Variants in NCAPG observed in about 807,000 individuals in gnomAD.
The protein encoded by NCAPG is non-SMC condensin I complex subunit G, also known as condensin complex subunit 3.
Under a neutral mutation model 113.1 loss-of-function variants are expected in NCAPG, and 69 were observed. The observed-to-expected ratio is 0.61, with a 90% CI of 0.50 to 0.75. The LOEUF is 0.75. Among genes scored for constraint, NCAPG ranks in the 30% least tolerant of loss-of-function variants. The probability of loss-of-function intolerance (pLI) is 0.00; values close to 1 mark genes in which losing one functional copy is unlikely to be tolerated. For missense variants in NCAPG, 1,058 were observed against 1,177.0 expected, an observed-to-expected ratio of 0.90 and a Z score of 1.48; for synonymous variants, 370 against 415.8, an observed-to-expected ratio of 0.89 and a Z score of 1.34.
Position 17,814,863 on chromosome 4 carries a change from TTTGA to T in NCAPG, c.560_563del (p.Ile187LysfsTer27), listed in dbSNP as rs1201038731. 2 of 1,614,006 alleles carry T rather than the reference TTTGA, an allele frequency of 1.2e-6. No individual in the cohort carries two copies. The highest frequency in any genetic ancestry group is 1.3e-5 in the African/African-American group (1 of 74,956). On this transcript the variant is annotated frameshift_variant, in exon 4 of 21. Transcript: ENST00000251496. LOFTEE classifies it high-confidence loss of function. ...TTGCTTTATTTTTAGCATATGCTAC[TTTGA>T]TTGAAAATGATTCAAATCCAGAAGT...
rs1421571437 is a variant in NCAPG at position 17,813,015 on chromosome 4, T to A, written c.414T>A (p.Asp138Glu). 1 of 1,613,978 alleles carries A rather than the reference T, an allele frequency of 6.2e-7. No homozygotes were observed. Among genetic ancestry groups the A allele is most frequent in the African/African-American group, 1.3e-5 (1 of 75,014 alleles). ...CAGAAAATGCTCAGATTGATGATGATGTGTTTGATAAAATTAATAAAGCCA... is the reference window on the plus strand; with the variant it reads ...CAGAAAATGCTCAGATTGATGATGAAGTGTTTGATAAAATTAATAAAGCCA... The part of the protein sequence containing the change: ...SMPENAQIDD[D>E]VFDKINKAML... The change falls in exon 3 of 21, where the codon GAT becomes GAA. Residue 138 changes from aspartate (D) to glutamate (E), a missense_variant. Asp to Glu is a conservative substitution (Grantham distance 45). Transcript: ENST00000251496.
chr4:17,840,562 C>T, intron 18 of NCAPG, 45 bp from the exon 19 acceptor site: 1 of 1,119,002 alleles, frequency 8.9e-7, no homozygotes, highest in African/African-American at 1.7e-5. Flanking sequence ...TAAAATATTT[C>T]ATGAGGTTAT....
At chr4:17,828,582 A>T (rs977751605) in intron 12 of NCAPG, among the ~76,000 whole-genome samples, 194 bp downstream of exon 12, 1 of 152,152 alleles carries the variant, frequency 6.6e-6, no homozygotes, top group Non-Finnish European at 1.5e-5. Flanking sequence ...AGGACCTGAT[A>T]TGTAAATTAC....
intron 11 of NCAPG, among the ~76,000 whole-genome samples, chr4:17,826,516 A>G (rs1721662906): frequency 6.6e-6 from 1 of 152,224 alleles, no homozygotes. Context: ...AGGCTATTAA[A>G]TTTGGAAAGC....
chr4:17,812,090 A>T, intron 1 of NCAPG, 131 bp from the exon 2 acceptor site: 1 of 717,670 alleles, frequency 1.4e-6, no homozygotes, highest in Non-Finnish European at 2.3e-6. Context: ...TTGGATAATT[A>T]AGAGTTTACT....
Position 17,812,979 on chromosome 4 carries a change from G to A in NCAPG, c.378G>A (p.Leu126=). ...TGTGCCTGCTCATAAACAAGCTTTT[G>A]GGAAGTATGCCAGAAAATGCTCAGA... ...FRVCLLINKL[L]GSMPENAQID... Residue 126 remains leucine, a synonymous_variant, in exon 3 of 21, where the codon TTG becomes TTA. Coordinates refer to ENST00000251496, the MANE Select transcript of NCAPG (RefSeq NM_022346.5). 6.2e-7 allele frequency: 1 copy of A among 1,613,922 alleles called. No homozygotes were observed. Among genetic ancestry groups the A allele is most frequent in the South Asian group, 1.1e-5 (1 of 91,060 alleles).
Position 17,823,735 on chromosome 4 carries a change from C to T in NCAPG, c.1348C>T (p.His450Tyr). 6.3e-7 allele frequency: 1 copy of T among 1,596,876 alleles called. No homozygotes were observed. The highest frequency in any genetic ancestry group is 1.1e-5 in the South Asian group (1 of 90,584). The change falls in exon 9 of 21, where the codon CAC becomes TAC. Residue 450 changes from histidine to tyrosine, a missense_variant. His to Tyr is a moderately conservative substitution (Grantham distance 83). Coordinates refer to ENST00000251496, the MANE Select transcript of NCAPG (RefSeq NM_022346.5). The stretch of plus-strand genomic sequence containing the variant: ...TTCTTTTCTTGTTGAAAGACTACTC[C>T]ACATCATTATAGATGATAATAAGAG... ...LVSFLVERLL[H>Y]IIIDDNKRTQ...
Position 17,840,710 on chromosome 4 carries a change from C to G in NCAPG, c.2854+17C>G. ...CTAACAGAGGTAGTGTGTGGATTGA[C>G]CATCTTTATGATAAAAGTTTTAAAT... is the stretch of plus-strand genomic sequence containing the variant. On this transcript the variant is annotated intron_variant, in intron 19 of 20. Coordinates refer to ENST00000251496, the MANE Select transcript of NCAPG (RefSeq NM_022346.5). The G allele has an allele frequency of 7.0e-7, 1 of 1,435,578 alleles. No homozygotes were observed. Among genetic ancestry groups the G allele is most frequent in the Non-Finnish European group, 9.2e-7 (1 of 1,086,228 alleles). The allele number at this position is 1,435,578 out of a possible 1,614,324, so 88.9% of individuals were successfully genotyped here.
intron 19 of NCAPG, 29 bp from the exon 20 acceptor site, chr4:17,842,281 T>C: frequency 6.3e-7 from 1 of 1,597,200 alleles, no homozygotes. Flanking sequence ...TGATAATAAA[T>C]CCTGATAATG....
intron 11 of NCAPG, among the ~76,000 whole-genome samples, chr4:17,827,054 AACTC>A (rs928968599): frequency 6.6e-6 from 1 of 152,208 alleles, no homozygotes; most frequent in African/African-American, 2.4e-5. Flanking sequence ...TTGTGCTTTT[AACTC>A]ACTCTGTGCT....
chr4:17,813,493 T>C (rs893017669), intron 3 of NCAPG: 1 of 161,000 alleles, frequency 6.2e-6, no homozygotes, highest in African/African-American at 2.4e-5. Context: ...TGTATATATT[T>C]AGCAGCCAAT....
intron 6 of NCAPG, 88 bp from the exon 7 acceptor site, chr4:17,817,851 C>T (rs761050440): frequency 1.5e-6 from 2 of 1,336,192 alleles, no homozygotes; most frequent in Non-Finnish European, 2.0e-6. Flanking sequence ...GGTTTTAAAG[C>T]AAATCTTATT....
intron 17 of NCAPG, 34 bp downstream of exon 17, chr4:17,839,871 G>C (rs1722272364): frequency 6.4e-7 from 1 of 1,553,826 alleles, no homozygotes; most frequent in South Asian, 1.2e-5. Context: ...AAATTAGTTT[G>C]TGTTTATATT....
chr4:17,837,796 T>G lies in NCAPG; in HGVS notation c.2461T>G (p.Tyr821Asp). 1 of 1,613,756 alleles carries G rather than the reference T, an allele frequency of 6.2e-7. No homozygotes were observed. The highest frequency in any genetic ancestry group is 8.5e-7 in the Non-Finnish European group (1 of 1,179,774). The change falls in exon 16 of 21, where the codon TAT becomes GAT. Residue 821 changes from tyrosine to aspartate, a missense_variant. Coordinates refer to ENST00000251496, the MANE Select transcript of NCAPG (RefSeq NM_022346.5). ...LNPQAKTSQD[Y>D]QALTVHDNLA... is the part of the protein sequence containing the mutation. Reference sequence around the variant, plus strand: ...TCCTCAGGCCAAGACTTCCCAAGATTATCAGGTGAGTGACTGTGGTAACTG... The same window carrying G: ...TCCTCAGGCCAAGACTTCCCAAGATGATCAGGTGAGTGACTGTGGTAACTG...
At chr4:17,821,531 T>C (rs903970280) in intron 7 of NCAPG, among the ~76,000 whole-genome samples, 3 of 151,250 alleles carry the variant, frequency 2.0e-5, no homozygotes, top group Non-Finnish European at 4.4e-5. Flanking sequence ...TAGCGTGATC[T>C]TGGCTTACTG....
chr4:17,814,963 G>C lies in NCAPG; in HGVS notation c.655G>C (p.Asp219His). The C allele has an allele frequency of 6.2e-7, 1 of 1,614,190 alleles. No homozygotes were observed. Residue 219 changes from aspartate (D) to histidine (H), a missense_variant, in exon 4 of 21, where the codon GAT becomes CAT. Physicochemically the swap from Asp to His is moderately conservative, Grantham distance 81. Coordinates refer to ENST00000251496, the MANE Select transcript of NCAPG (RefSeq NM_022346.5). ...TLPKIVGRTK[D>H]VKEAVRKLAY... ...GCCAAAAATTGTAGGGCGCACCAAG[G>C]ATGTGAAAGAGGCTGTCAGAAAGCT...
At chr4:17,834,784 A>G (rs1052711966) in intron 14 of NCAPG, among the ~76,000 whole-genome samples, 10 of 152,038 alleles carry the variant, frequency 6.6e-5, no homozygotes, top group Non-Finnish European at 1.0e-4. Flanking sequence ...CCTCTCCCCT[A>G]TGCTCTTTAT....
intron 17 of NCAPG, 47 bp from the exon 18 acceptor site, chr4:17,840,024 T>G (rs765883721): frequency 6.4e-7 from 1 of 1,560,986 alleles, no homozygotes; most frequent in Non-Finnish European, 8.6e-7. Flanking sequence ...TTTCAAAGAT[T>G]AGGGAATGCG....
rs951574370 is a variant in NCAPG at position 17,811,728 on chromosome 4, C to G, written c.112-493C>G. 6.6e-6 allele frequency among the ~76,000 whole-genome samples: 1 copy of G among 152,100 alleles called. No individual in the cohort carries two copies. Among genetic ancestry groups the G allele is most frequent in the Non-Finnish European group, 1.5e-5 (1 of 68,024 alleles). The stretch of plus-strand genomic sequence containing the variant: ...ACTATTTGTTTGTTTTGAGTGGAAC[C>G]TTGAGAAGAATAGAACAATTAATTT... On this transcript the variant is annotated intron_variant, in intron 1 of 20. Transcript: ENST00000251496. This position sits in a 1 kb window ranked among gnomAD's most constrained non-coding sequence, Gnocchi z 5.3.
Sources: allele counts gnomAD v4.1 joint callset (sites outside exome capture counted in the v4.1 genomes callset), GRCh38; gene constraint gnomAD v4.1.1; non-coding constraint Gnocchi (gnomAD v3.1); transcripts MANE v1.5; gene names NCBI Gene and HGNC (gene_info 2026-07-23, HGNC 2026-07-21).